The following CERS6 variants were observed in gnomAD, a reference collection of about 807,000 sequenced individuals.
The protein encoded by CERS6 is LAG1 homolog, ceramide synthase 6.
Under a neutral mutation model 56.8 loss-of-function variants are expected in CERS6, and 26 were observed. The ratio of observed to expected loss-of-function variants is 0.46; its 90% CI spans 0.34 to 0.63. The LOEUF is 0.63. Ranked by LOEUF, CERS6 falls within the 30% of genes least tolerant of loss-of-function variation. The pLI, the probability that CERS6 is intolerant of heterozygous loss-of-function variation, is 0.01. For missense variants in CERS6, 415 were observed against 467.5 expected (o/e 0.89, Z 1.04); for synonymous variants, 164 against 173.3 (o/e 0.95, Z 0.42).
chr2:168,555,625 T>C (rs564354597), intron 2 of CERS6, among the ~76,000 whole-genome samples: 5 of 152,040 alleles, frequency 3.3e-5, no homozygotes, highest in African/African-American at 9.6e-5. Flanking sequence ...ATAAACGTTA[T>C]GATCAATAAC....
chr2:168,652,315 A>G (rs1685363321), intron 4 of CERS6, among the ~76,000 whole-genome samples: 2 of 152,172 alleles, frequency 1.3e-5, no homozygotes, highest in African/African-American at 4.8e-5. Context: ...TTGCCTCTAA[A>G]AATGGAGTAC....
chr2:168,611,008 C>T (rs1176298511), intron 3 of CERS6, among the ~76,000 whole-genome samples: 2 of 152,124 alleles, frequency 1.3e-5, no homozygotes, highest in Non-Finnish European at 2.9e-5. Flanking sequence ...GAGGTTTCAC[C>T]ATGTTGGCCA....
intron 8 of CERS6, among the ~76,000 whole-genome samples, chr2:168,739,052 A>ATTTTTTTTTTTTTTTTTTTTTTT (rs59967315): frequency 1.1e-5 from 1 of 87,624 alleles, no homozygotes; most frequent in Non-Finnish European, 2.0e-5. Context: ...CACCCGGCTA[A>ATTTTTTTTTTTTTTTTTTTTTTT]TTTTTTTTTT....
chr2:168,748,541 A>C (rs1392526833), intron 8 of CERS6, among the ~76,000 whole-genome samples: 1 of 152,156 alleles, frequency 6.6e-6, no homozygotes, highest in African/African-American at 2.4e-5. Context: ...TTGTGGTCCT[A>C]CTCCTGAACC....
intron 1 of CERS6, among the ~76,000 whole-genome samples, chr2:168,475,868 G>A (rs1268592449): frequency 6.6e-6 from 1 of 152,138 alleles, no homozygotes; most frequent in Non-Finnish European, 1.5e-5. Context: ...CAACATGGTG[G>A]CTTCAAGGCT....
chr2:168,566,813 A>AAC (rs1553492888), intron 3 of CERS6, among the ~76,000 whole-genome samples: 3 of 150,634 alleles, frequency 2.0e-5, no homozygotes, highest in East Asian at 3.9e-4. Flanking sequence ...AAAAAAAAAA[A>AAC]CCCTGAATAT....
At chr2:168,513,709 C>T (rs1402555090) in intron 1 of CERS6, among the ~76,000 whole-genome samples, 1 of 152,200 alleles carries the variant, frequency 6.6e-6, no homozygotes, top group Non-Finnish European at 1.5e-5. Context: ...CCTCCCTTTC[C>T]ATACTACAGT....
intron 2 of CERS6, among the ~76,000 whole-genome samples, chr2:168,555,872 A>T (rs1695669622): frequency 6.6e-6 from 1 of 152,014 alleles, no homozygotes; most frequent in Non-Finnish European, 1.5e-5. Flanking sequence ...TTGAACATGT[A>T]GGTATATATT....
chr2:168,568,094 G>A (rs1695915923), intron 3 of CERS6, among the ~76,000 whole-genome samples: 1 of 152,158 alleles, frequency 6.6e-6, no homozygotes, highest in African/African-American at 2.4e-5. Context: ...CATGTGTGTT[G>A]GCTAATTAAG....
chr2:168,685,843 G>A (rs1333648278), intron 4 of CERS6, among the ~76,000 whole-genome samples: 1 of 151,788 alleles, frequency 6.6e-6, no homozygotes, highest in African/African-American at 2.4e-5. Context: ...ATGCCTCTGG[G>A]AGAAGAGGCA....
intron 6 of CERS6, among the ~76,000 whole-genome samples, chr2:168,711,346 A>G (rs943117280): frequency 2.6e-5 from 4 of 152,240 alleles, no homozygotes; most frequent in African/African-American, 9.6e-5. Flanking sequence ...CAAATATGAA[A>G]TTAGTAAAGA....
intron 1 of CERS6, among the ~76,000 whole-genome samples, chr2:168,534,816 G>A (rs1010019418): frequency 6.6e-6 from 1 of 152,250 alleles, no homozygotes; most frequent in Non-Finnish European, 1.5e-5. Flanking sequence ...AGATTCCTCA[G>A]AACTACCAGG....
intron 6 of CERS6, among the ~76,000 whole-genome samples, chr2:168,701,743 C>T (rs887660174): frequency 1.3e-5 from 2 of 152,068 alleles, no homozygotes; most frequent in African/African-American, 4.8e-5. Context: ...GCGGTACTCC[C>T]ACCTGTAATC....
chr2:168,611,210 G>C (rs1329776042), intron 3 of CERS6, among the ~76,000 whole-genome samples: 1 of 152,166 alleles, frequency 6.6e-6, no homozygotes, highest in Non-Finnish European at 1.5e-5. Flanking sequence ...GGGAAAATCT[G>C]ACAACACTTG....
At chr2:168,644,143 G>T in intron 4 of CERS6, 1 of 979,816 alleles carries the variant, frequency 1.0e-6, no homozygotes, top group Non-Finnish European at 1.2e-6. Context: ...TTTGGCATCA[G>T]GCAGCACATG....
At chr2:168,526,622 TCA>T (rs1269680882) in intron 1 of CERS6, among the ~76,000 whole-genome samples, 2 of 152,222 alleles carry the variant, frequency 1.3e-5, no homozygotes, top group Non-Finnish European at 2.9e-5. Flanking sequence ...ACTTAATATC[TCA>T]CAGCTAGTAA....
chr2:168,481,032 C>G (rs16855371), intron 1 of CERS6, among the ~76,000 whole-genome samples: 8,664 of 152,232 alleles, frequency 0.057, 372 homozygotes, highest in East Asian at 0.21. Flanking sequence ...AAACATCACT[C>G]TGAAAGTTGC....
chr2:168,577,553 GA>G (rs1683303467), intron 3 of CERS6, among the ~76,000 whole-genome samples: 1 of 152,208 alleles, frequency 6.6e-6, no homozygotes. Context: ...AGCAAAGAGG[GA>G]AAAATGGATG....
In CERS6 at chr2:168,630,965, T is replaced by G. The variant is rs746666780; in HGVS notation, c.408-20T>G. 137 of 1,309,630 alleles carry G rather than the reference T, an allele frequency of 1.0e-4. No individual in the cohort carries two copies. The highest frequency in any genetic ancestry group is 9.6e-4 in the Middle Eastern group (5 of 5,224). 81.1% of individuals were successfully genotyped at this position (1,309,630 alleles called of 1,614,324 possible). A position where few individuals can be genotyped will look rare whatever the true frequency, so the allele number is the denominator to read the frequency against. On this transcript the variant is annotated intron_variant, in intron 3 of 9. Transcript: ENST00000305747. ...AATATATAAACTGAATGTCACAGAT[T>G]TTTTTTTAACCTTCTACAGGTGGAG...
Sources: gnomAD v4.1 joint callset for allele counts (sites outside exome capture counted in the v4.1 genomes callset) on GRCh38, gnomAD v4.1.1 for gene constraint, MANE v1.5 for transcripts, NCBI Gene and HGNC (gene_info 2026-07-23, HGNC 2026-07-21) for gene names.